USP14: variants seen among roughly 807,000 people sequenced by gnomAD.
USP14 encodes the protein ubiquitin specific peptidase 14, also known as ubiquitin carboxyl-terminal hydrolase 14.
In USP14, 38 loss-of-function variants were observed where a neutral mutation model predicts 76.5. That is an observed-to-expected ratio of 0.50 (90% CI 0.38 to 0.65). USP14 has a LOEUF of 0.65. Among genes scored for constraint, USP14 ranks in the 30% least tolerant of loss-of-function variants. The pLI, the probability that USP14 is intolerant of heterozygous loss-of-function variation, is 0.00. For missense variants in USP14, 467 were observed against 586.5 expected, an observed-to-expected ratio of 0.80 and a Z score of 2.10; for synonymous variants, 192 against 191.7, an observed-to-expected ratio of 1.00 and a Z score of -0.01.
intron 6 of USP14, among the ~76,000 whole-genome samples, chr18:193,894 G>A (rs985599608): frequency 3.3e-5 from 5 of 152,186 alleles, no homozygotes; most frequent in South Asian, 2.1e-4. Flanking sequence ...CCTGACAGTC[G>A]TGTACAAGTC....
chr18:160,609 T>G (rs1027668225), intron 1 of USP14, among the ~76,000 whole-genome samples: 15 of 152,268 alleles, frequency 9.9e-5, no homozygotes, highest in African/African-American at 3.6e-4. Flanking sequence ...AATCCTGTGA[T>G]ACTGGTATAA....
intron 6 of USP14, among the ~76,000 whole-genome samples, chr18:193,263 T>C (rs1439218717): frequency 2.0e-5 from 3 of 152,148 alleles, no homozygotes; most frequent in Admixed American, 6.6e-5. Context: ...TGTAAAGAAG[T>C]GATGTGTGTG....
chr18:211,633 T>C lies in USP14; in HGVS notation c.*349T>C, dbSNP rs567980790. On this transcript the variant is annotated 3_prime_UTR_variant, in exon 16 of 16. Coordinates refer to ENST00000261601, the MANE Select transcript of USP14 (RefSeq NM_005151.4). Reference sequence around the variant, plus strand: ...TTTCACCCAAGATTCAGCAGTCAGATGTTTACTGCACACCTATTACCTATT... The same window carrying C: ...TTTCACCCAAGATTCAGCAGTCAGACGTTTACTGCACACCTATTACCTATT... 41 of 179,086 alleles carry C rather than the reference T, an allele frequency of 2.3e-4. No individual in the cohort carries two copies. Among genetic ancestry groups the C allele is most frequent in the South Asian group, 7.5e-4 (5 of 6,674 alleles). 11.1% of individuals were successfully genotyped at this position (179,086 alleles called of 1,614,324 possible).
chr18:171,207 C>T (rs1243935637), intron 3 of USP14, among the ~76,000 whole-genome samples: 1 of 151,654 alleles, frequency 6.6e-6, no homozygotes. Context: ...AAGGTAGCTA[C>T]ACTATACAAC....
intron 1 of USP14, among the ~76,000 whole-genome samples, chr18:162,641 G>C (rs1379382473): frequency 6.6e-6 from 1 of 152,002 alleles, no homozygotes; most frequent in East Asian, 1.9e-4. Context: ...GTGCTGATGT[G>C]AATGATTCTT....
chr18:164,132 T>C (rs1909201120), intron 2 of USP14, among the ~76,000 whole-genome samples: 1 of 152,246 alleles, frequency 6.6e-6, no homozygotes. Flanking sequence ...TACAGTTATC[T>C]GTATTGTGTG....
At position 185,685 on chromosome 18, in the gene USP14, T is replaced by A. The variant is rs549649540; in HGVS notation, c.404+5346T>A. 7.2e-5 allele frequency among the ~76,000 whole-genome samples: 11 copies of A among 152,110 alleles called. No homozygotes were observed. In the East Asian group the frequency reaches 9.7e-4, roughly 13 times the overall value. ...TGAGGGCATGTCTTCATTTAAAATT[T>A]AAAAAAATTTTAAATTATTTTTTAT... On this transcript the variant is annotated intron_variant, in intron 5 of 15. Transcript: ENST00000261601.
chr18:158,863 C>T (rs1055462904), intron 1 of USP14, 149 bp downstream of exon 1: 5 of 1,186,150 alleles, frequency 4.2e-6, no homozygotes, highest in East Asian at 3.3e-5. Flanking sequence ...GACCCAGGCA[C>T]CGTCCCCTCT....
intron 5 of USP14, among the ~76,000 whole-genome samples, chr18:180,636 A>T (rs1295004870): frequency 6.6e-6 from 1 of 152,104 alleles, no homozygotes; most frequent in East Asian, 1.9e-4. Context: ...TCTGTCATAG[A>T]TTTGCTCATT....
intron 6 of USP14, 72 bp downstream of exon 6, chr18:192,972 T>C (rs1440825340): frequency 1.2e-5 from 16 of 1,320,942 alleles, no homozygotes; most frequent in Non-Finnish European, 1.6e-5. Context: ...TCCTTTGCAG[T>C]TTACAGAATG....
intron 3 of USP14, among the ~76,000 whole-genome samples, chr18:171,226 A>T (rs1444904533): frequency 6.6e-6 from 1 of 151,828 alleles, no homozygotes; most frequent in Non-Finnish European, 1.5e-5. Flanking sequence ...ACAGATTTTC[A>T]GTGTGGATGA....
At chr18:160,546 C>T (rs1598260072) in intron 1 of USP14, among the ~76,000 whole-genome samples, 1 of 152,112 alleles carries the variant, frequency 6.6e-6, no homozygotes. Flanking sequence ...CACACCTGTG[C>T]CTCTTATAGA....
intron 1 of USP14, 21 bp downstream of exon 1, chr18:158,735 G>T: frequency 1.3e-6 from 2 of 1,497,014 alleles, no homozygotes; most frequent in East Asian, 2.8e-5. Context: ...TCCTGGCCTC[G>T]CGCGCAGCAC....
intron 14 of USP14, 123 bp downstream of exon 14, chr18:210,154 A>G (rs1258449660): frequency 1.2e-6 from 1 of 844,200 alleles, no homozygotes; most frequent in Admixed American, 3.0e-5. Flanking sequence ...GGTTTCTTGA[A>G]CAATTTACCT....
chr18:183,109 A>G (rs770573718), intron 5 of USP14, among the ~76,000 whole-genome samples: 7 of 152,134 alleles, frequency 4.6e-5, no homozygotes, highest in Non-Finnish European at 8.8e-5. Context: ...TGTGTCTTTT[A>G]TATATATCCC....
At chr18:194,680 C>G (rs1306029700) in intron 6 of USP14, among the ~76,000 whole-genome samples, 1 of 152,162 alleles carries the variant, frequency 6.6e-6, no homozygotes, top group Non-Finnish European at 1.5e-5. Flanking sequence ...CTTGTAATCC[C>G]AGCATTTTGG....
intron 12 of USP14, among the ~76,000 whole-genome samples, chr18:203,908 C>G: frequency 6.6e-6 from 1 of 152,226 alleles, no homozygotes; most frequent in Non-Finnish European, 1.5e-5. Context: ...ATCACTGGTG[C>G]CCAAAGAGTA....
intron 5 of USP14, among the ~76,000 whole-genome samples, chr18:186,677 C>T (rs373511626): frequency 2.0e-5 from 3 of 149,666 alleles, no homozygotes; most frequent in African/African-American, 2.5e-5. Context: ...CGCTTGAACC[C>T]GGGAGCAGAG....
At chr18:171,763 T>G (rs1909470858) in intron 3 of USP14, among the ~76,000 whole-genome samples, 1 of 152,230 alleles carries the variant, frequency 6.6e-6, no homozygotes, top group African/African-American at 2.4e-5. Context: ...ATTAAAAACC[T>G]TCTGGAAAGG....
Sources: allele counts gnomAD v4.1 joint callset (sites outside exome capture counted in the v4.1 genomes callset), GRCh38; gene constraint gnomAD v4.1.1; transcripts MANE v1.5; gene names NCBI Gene and HGNC (gene_info 2026-07-23, HGNC 2026-07-21).